OTOF: variants seen among roughly 807,000 people sequenced by gnomAD.
The protein encoded by OTOF is otoferlin.
A neutral mutation model predicts 236.8 loss-of-function variants in OTOF; 218 were observed. That is an observed-to-expected ratio of 0.92 (90% CI 0.82 to 1.03). OTOF has a LOEUF of 1.03. Among genes scored for constraint, OTOF ranks in the 50% least tolerant of loss-of-function variants. The probability of loss-of-function intolerance (pLI) is 0.00; values close to 1 mark genes in which losing one functional copy is unlikely to be tolerated. For synonymous variants in OTOF, 1,041 were observed against 1,072.5 expected, an observed-to-expected ratio of 0.97 and a Z score of 0.57; for missense variants, 2,590 against 2,694.4, an observed-to-expected ratio of 0.96 and a Z score of 0.86.
chr2:26,480,378 C>T (rs767712072), intron 15 of OTOF, 67 bp from the exon 16 acceptor site: 18 of 972,648 alleles, frequency 1.9e-5, no homozygotes, highest in Non-Finnish European at 2.8e-5. Flanking sequence ...GCCAGGCCTC[C>T]TTCCGTCTCA....
intron 3 of OTOF, among the ~76,000 whole-genome samples, chr2:26,520,754 C>T (rs1666657206): frequency 6.6e-6 from 1 of 152,208 alleles, no homozygotes; most frequent in Admixed American, 6.5e-5. Context: ...GGGAAGGGGA[C>T]TTTTAGCTTC....
intron 5 of OTOF, among the ~76,000 whole-genome samples, chr2:26,505,699 C>G (rs184388885): frequency 4.6e-4 from 70 of 152,344 alleles, no homozygotes; most frequent in Admixed American, 8.5e-4. Flanking sequence ...TACTGCATCT[C>G]AGGTCCTTTG....
chr2:26,466,017 C>A lies in OTOF; in HGVS notation c.4560G>T (p.Arg1520=). Residue 1520 remains arginine, a synonymous_variant, in exon 37 of 47, where the codon CGG becomes CGT. Transcript: ENST00000272371. ...NGKADPYIAI[R]LGKTDIRDKE... is the part of the protein sequence containing the mutation. ...TGTCGCGGATGTCAGTCTTGCCTAGCCGGATGGCGATGTAGGGGTCAGCTT... is the reference window on the plus strand; with the variant it reads ...TGTCGCGGATGTCAGTCTTGCCTAGACGGATGGCGATGTAGGGGTCAGCTT... 1 of 1,614,242 alleles carries A rather than the reference C, an allele frequency of 6.2e-7. No homozygotes were observed.
At chr2:26,511,377 CT>C (rs1293457307) in intron 5 of OTOF, among the ~76,000 whole-genome samples, 5 of 152,156 alleles carry the variant, frequency 3.3e-5, no homozygotes, top group South Asian at 2.1e-4. Context: ...AACGGCCCCC[CT>C]ATCTCACTTT....
At chr2:26,483,335 C>T (rs555779052) in intron 13 of OTOF, 127 bp downstream of exon 13, 6 of 874,744 alleles carry the variant, frequency 6.9e-6, no homozygotes, top group East Asian at 5.0e-5. Context: ...CCTCTAAGTC[C>T]GTCCCTGGCC....
At chr2:26,540,014 A>G (rs1203972729) in intron 1 of OTOF, among the ~76,000 whole-genome samples, 1 of 151,880 alleles carries the variant, frequency 6.6e-6, no homozygotes, top group Non-Finnish European at 1.5e-5. Context: ...GCTCACTGCA[A>G]ACTCTGCCTC....
In OTOF at chr2:26,501,758, T is replaced by A; in HGVS notation, c.761A>T (p.Tyr254Phe). 1 of 1,612,696 alleles carries A rather than the reference T, an allele frequency of 6.2e-7. No individual in the cohort carries two copies. The highest frequency in any genetic ancestry group is 8.5e-7 in the Non-Finnish European group (1 of 1,178,708). The part of the protein sequence containing the change: ...MEPSAGRPMD[Y>F]QVSITVIEAR... ...GGCCTCCAGGTGCCCACCTACCTGG[T>A]AATCCATGGGCCGCCCAGCACTTGG... The change falls in exon 8 of 47, where the codon TAC (tyrosine) becomes TTC (phenylalanine). Residue 254 changes from tyrosine (Y) to phenylalanine (F), a missense_variant. Coordinates refer to ENST00000272371, the MANE Select transcript of OTOF (RefSeq NM_194248.3).
At chr2:26,459,412 C>T (rs187784078) in intron 46 of OTOF, among the ~76,000 whole-genome samples, 7 of 152,126 alleles carry the variant, frequency 4.6e-5, no homozygotes, top group African/African-American at 7.2e-5. Context: ...ATTATCCAGG[C>T]GTGGTGGCGG....
chr2:26,552,532 G>C (rs1474870923), intron 1 of OTOF, among the ~76,000 whole-genome samples: 1 of 152,170 alleles, frequency 6.6e-6, no homozygotes, highest in Non-Finnish European at 1.5e-5. Context: ...ATTCCTGAGG[G>C]CTTTTGCAGG....
intron 2 of OTOF, among the ~76,000 whole-genome samples, chr2:26,534,333 G>T (rs533915756): frequency 2.0e-5 from 3 of 152,320 alleles, no homozygotes; most frequent in African/African-American, 7.2e-5. Flanking sequence ...ACTGGCTAAA[G>T]GTGGCTACTC....
chr2:26,466,937 C>T, intron 35 of OTOF, 86 bp from the exon 36 acceptor site: 1 of 1,588,664 alleles, frequency 6.3e-7, no homozygotes. Context: ...GAGGGCTGGA[C>T]CCTGATGTGG....
At position 26,480,802 on chromosome 2, in the gene OTOF, G is replaced by T; in HGVS notation, c.1787C>A (p.Ala596Asp). 6.2e-7 allele frequency: 1 copy of T among 1,612,226 alleles called. No homozygotes were observed. The highest frequency in any genetic ancestry group is 8.5e-7 in the Non-Finnish European group (1 of 1,179,736). ...TSSTEVQVEQATPISESCAGK... is the reference protein window; with the variant it reads ...TSSTEVQVEQDTPISESCAGK... Reference sequence around the variant, plus strand: ...GGGTCTCACCTCCGAGATGGGCGTGGCCTGCTCCACCTGCACCTCTGTGGA... The same window carrying T: ...GGGTCTCACCTCCGAGATGGGCGTGTCCTGCTCCACCTGCACCTCTGTGGA... The change falls in exon 15 of 47, where the codon GCC becomes GAC. Residue 596 changes from alanine (A) to aspartate (D), a missense_variant. By Grantham distance (126) the Ala-to-Asp change is moderately radical. Transcript: ENST00000272371.
rs555512581 is a variant in OTOF, at chr2:26,529,121, T to C, written c.139-1201A>G. Among the ~76,000 whole-genome samples the C allele has an allele frequency of 9.9e-5, 15 of 152,262 alleles. No individual in the cohort carries two copies. The South Asian group carries it at 3.1e-3, about 32-fold the overall frequency. The stretch of plus-strand genomic sequence containing the variant: ...GGGGTCCCTGTCCCACTCCACATCC[T>C]GAGCCACAAGCATGAGGGAAGGAGG... On this transcript the variant is annotated intron_variant, in intron 2 of 46. Transcript: ENST00000272371.
At chr2:26,557,708 C>T (rs1012044961) in intron 1 of OTOF, among the ~76,000 whole-genome samples, 4 of 151,780 alleles carry the variant, frequency 2.6e-5, no homozygotes, top group Non-Finnish European at 4.4e-5. Context: ...TTACTTCCTC[C>T]GGGAAGCCTT....
At chr2:26,458,849 G>T (rs1038666886) in intron 46 of OTOF, among the ~76,000 whole-genome samples, 1 of 152,266 alleles carries the variant, frequency 6.6e-6, no homozygotes, top group Non-Finnish European at 1.5e-5. Flanking sequence ...AGAGGACATG[G>T]CGTGCAGCCC....
At chr2:26,519,696 C>A (rs1666628489) in intron 3 of OTOF, among the ~76,000 whole-genome samples, 1 of 152,194 alleles carries the variant, frequency 6.6e-6, no homozygotes, top group South Asian at 2.1e-4. Flanking sequence ...GGGATCTGAA[C>A]CCAGCTCTGA....
At position 26,463,591 on chromosome 2, in the gene OTOF, C is replaced by T. The variant is rs1194078524; in HGVS notation, c.5104-20G>A. The T allele has an allele frequency of 1.9e-6, 3 of 1,568,114 alleles. No homozygotes were observed. Among genetic ancestry groups the T allele is most frequent in the East Asian group, 2.3e-5 (1 of 43,246 alleles). Reference sequence around the variant, plus strand: ...GCGGCCCTGAGGAAGAGGGTTGTGGCAGATCTCCCAGGGCCTTCTCCCTCT... The same window carrying T: ...GCGGCCCTGAGGAAGAGGGTTGTGGTAGATCTCCCAGGGCCTTCTCCCTCT... On this transcript the variant is annotated intron_variant, in intron 40 of 46. Transcript: ENST00000272371.
At chr2:26,471,007 A>G in intron 31 of OTOF, 114 bp downstream of exon 31, 1 of 1,361,948 alleles carries the variant, frequency 7.3e-7, no homozygotes, top group South Asian at 1.2e-5. Context: ...GTGCTGGCCC[A>G]AGCATGCGGG....
chr2:26,532,028 G>T (rs936658644), intron 2 of OTOF, among the ~76,000 whole-genome samples: 1 of 143,860 alleles, frequency 7.0e-6, no homozygotes, highest in Non-Finnish European at 1.5e-5. Context: ...GGGAGGCAGA[G>T]GTTGCAGTGA....
Sources: gnomAD v4.1 joint callset for allele counts (sites outside exome capture counted in the v4.1 genomes callset) on GRCh38, gnomAD v4.1.1 for gene constraint, MANE v1.5 for transcripts, NCBI Gene and HGNC (gene_info 2026-07-23, HGNC 2026-07-21) for gene names.